The following REDIC1 variants were observed in gnomAD, a reference collection of about 807,000 sequenced individuals.
REDIC1 encodes regulator of DNA class I crossover intermediates 1.
chr12:39,702,538 T>A, the REDIC1 span, among the ~76,000 whole-genome samples: 5 of 152,116 alleles, frequency 3.3e-5, no homozygotes, highest in Admixed American at 3.3e-4. Context: ...CTTCTGAAAC[T>A]ATTCCAATCA....
At chr12:39,696,087 C>T in the REDIC1 span, among the ~76,000 whole-genome samples, 1 of 152,082 alleles carries the variant, frequency 6.6e-6, no homozygotes, top group African/African-American at 2.4e-5. Flanking sequence ...GTCTCAACAC[C>T]CAAGTCCTTT....
At chr12:39,658,122 G>T in the REDIC1 span, among the ~76,000 whole-genome samples, 119 of 150,792 alleles carry the variant, frequency 7.9e-4, no homozygotes, top group African/African-American at 2.7e-3. Flanking sequence ...GCTCTGTTGC[G>T]CAGACTGGAG....
At chr12:39,714,014 C>G in the REDIC1 span, among the ~76,000 whole-genome samples, 2 of 51,936 alleles carry the variant, frequency 3.9e-5, no homozygotes, top group Non-Finnish European at 9.9e-5. Flanking sequence ...TGTGCATATA[C>G]GTTTATATAA....
chr12:39,651,286 T>C, the REDIC1 span, among the ~76,000 whole-genome samples: 1 of 152,168 alleles, frequency 6.6e-6, no homozygotes, highest in Non-Finnish European at 1.5e-5. Flanking sequence ...GGACTGCGGT[T>C]GACTGTGGGT....
the REDIC1 span, among the ~76,000 whole-genome samples, chr12:39,876,980 C>T: frequency 6.6e-6 from 1 of 152,096 alleles, no homozygotes; most frequent in South Asian, 2.1e-4. Flanking sequence ...TTCTTTAGCT[C>T]TTTTAGTTCC....
At chr12:39,734,756 T>C in the REDIC1 span, among the ~76,000 whole-genome samples, 3 of 152,242 alleles carry the variant, frequency 2.0e-5, no homozygotes, top group African/African-American at 7.2e-5. Flanking sequence ...GCCAATATCA[T>C]ACTATCTTGA....
chr12:39,644,109 T>A, the REDIC1 span, among the ~76,000 whole-genome samples: 1 of 151,858 alleles, frequency 6.6e-6, no homozygotes, highest in African/African-American at 2.4e-5. Context: ...TTTTTATTTT[T>A]ATTTTGTGTA....
the REDIC1 span, chr12:39,757,283 G>C: frequency 2.0e-5 from 3 of 151,754 alleles, no homozygotes; most frequent in Non-Finnish European, 4.4e-5. Flanking sequence ...TTGAAAGCAT[G>C]ATACGTAATC....
chr12:39,699,393 G>A, the REDIC1 span, among the ~76,000 whole-genome samples: 11 of 152,286 alleles, frequency 7.2e-5, no homozygotes, highest in South Asian at 2.1e-4. Flanking sequence ...CTTTTCCGAC[G>A]GGCTTAAAAA....
the REDIC1 span, chr12:39,646,369 C>G: frequency 7.0e-7 from 1 of 1,422,648 alleles, no homozygotes; most frequent in Non-Finnish European, 9.3e-7. Flanking sequence ...TGAATAGAGA[C>G]ATAAAAATGC....
chr12:39,808,291 T>C, the REDIC1 span, among the ~76,000 whole-genome samples: 5 of 152,296 alleles, frequency 3.3e-5, no homozygotes, highest in East Asian at 9.6e-4. Flanking sequence ...ATTCCTTCCA[T>C]CTATCTGGGT....
the REDIC1 span, chr12:39,682,665 T>C: frequency 1.2e-6 from 2 of 1,610,618 alleles, no homozygotes; most frequent in South Asian, 1.1e-5. Context: ...TGGATGAAGA[T>C]TGTAGAAGCA....
the REDIC1 span, among the ~76,000 whole-genome samples, chr12:39,635,165 A>T: frequency 6.6e-6 from 1 of 152,218 alleles, no homozygotes; most frequent in Non-Finnish European, 1.5e-5. Flanking sequence ...GAGGATGTGG[A>T]GAAATAGGAA....
the REDIC1 span, among the ~76,000 whole-genome samples, chr12:39,725,693 A>G: frequency 6.6e-6 from 1 of 151,804 alleles, no homozygotes; most frequent in Non-Finnish European, 1.5e-5. Flanking sequence ...GGACACATAG[A>G]TATTTTAGGA....
the REDIC1 span, among the ~76,000 whole-genome samples, chr12:39,665,772 T>G: frequency 6.6e-6 from 1 of 152,002 alleles, no homozygotes; most frequent in Non-Finnish European, 1.5e-5. Context: ...GTAGTTCTCC[T>G]TGAAGAGTTC....
the REDIC1 span, among the ~76,000 whole-genome samples, chr12:39,732,839 C>T: frequency 6.6e-6 from 1 of 152,172 alleles, no homozygotes; most frequent in African/African-American, 2.4e-5. Flanking sequence ...ACATGAACCT[C>T]ATAGGCTTTG....
chr12:39,649,081 G>T, the REDIC1 span, among the ~76,000 whole-genome samples: 1 of 151,670 alleles, frequency 6.6e-6, no homozygotes, highest in Non-Finnish European at 1.5e-5. Context: ...AAGGATAGAG[G>T]ATAAAACATC....
At chr12:39,730,515 G>A in the REDIC1 span, among the ~76,000 whole-genome samples, 3 of 152,138 alleles carry the variant, frequency 2.0e-5, no homozygotes, top group African/African-American at 7.2e-5. Flanking sequence ...TAGGGTTTCT[G>A]CAGAGAGATC....
At chr12:39,701,423 C>G in the REDIC1 span, among the ~76,000 whole-genome samples, 6 of 152,138 alleles carry the variant, frequency 3.9e-5, no homozygotes, top group African/African-American at 1.4e-4. Context: ...ACAGGAGCAC[C>G]CAGATTCATA....
Sources: allele counts gnomAD v4.1 joint callset (sites outside exome capture counted in the v4.1 genomes callset), GRCh38; gene constraint gnomAD v4.1.1; transcripts MANE v1.5; gene names NCBI Gene and HGNC (gene_info 2026-07-23, HGNC 2026-07-21).